Variants in QSOX1 observed in about 807,000 individuals in gnomAD.
QSOX1 encodes sulfhydryl oxidase 1.
In QSOX1, 40 loss-of-function variants were observed where a neutral mutation model predicts 76.1. The ratio of observed to expected loss-of-function variants is 0.53; its 90% CI spans 0.41 to 0.68. QSOX1 has a LOEUF of 0.68. Ranked by LOEUF, QSOX1 falls within the 30% of genes least tolerant of loss-of-function variation. The pLI is 0.00. For synonymous variants in QSOX1, 392 were observed against 413.1 expected (o/e 0.95, Z 0.62); for missense variants, 931 against 974.3 (o/e 0.96, Z 0.59).
chr1:180,189,660 G>C lies in QSOX1; in HGVS notation c.1126G>C (p.Asp376His). The change falls in exon 9 of 12, where the codon GAC (aspartate) becomes CAC (histidine). Residue 376 changes from aspartate (D) to histidine (H), a missense_variant. Asp to His is a moderately conservative substitution (Grantham distance 81). Transcript: ENST00000367602. ...IPYSFFKTAL[D>H]DRKEGAVLAK... ...CTACAGTTTCTTTAAAACTGCCCTG[G>C]ACGACAGGAAAGAGGTGAGTCTGGG... The C allele has an allele frequency of 6.2e-7, 1 of 1,613,018 alleles. No homozygotes were observed. The highest frequency in any genetic ancestry group is 1.7e-5 in the Admixed American group (1 of 59,978).
chr1:180,190,386 A>G, intron 9 of QSOX1, 47 bp from the exon 10 acceptor site: 1 of 1,575,680 alleles, frequency 6.3e-7, no homozygotes, highest in South Asian at 1.1e-5. Context: ...TGCCTCTCCC[A>G]TCCTTTTCCT....
chr1:180,155,697 A>G (rs3767197), intron 1 of QSOX1, among the ~76,000 whole-genome samples: 4,398 of 152,296 alleles, frequency 0.029, 127 homozygotes, highest in East Asian at 0.092. Flanking sequence ...CAGGTGGTAC[A>G]TAGACTTCCT....
At chr1:180,176,105 G>A in intron 4 of QSOX1, 72 bp downstream of exon 4, 2 of 1,267,116 alleles carry the variant, frequency 1.6e-6, no homozygotes, top group Non-Finnish European at 1.1e-6. Flanking sequence ...AGGGTGGTGG[G>A]AACAGCAGGG....
At chr1:180,172,742 C>T (rs1662792261) in intron 2 of QSOX1, among the ~76,000 whole-genome samples, 1 of 152,216 alleles carries the variant, frequency 6.6e-6, no homozygotes, top group Non-Finnish European at 1.5e-5. Flanking sequence ...TGGTCTCAAA[C>T]TCCTGACCTC....
rs1379580568 is a variant in QSOX1 at position 180,190,575 on chromosome 1, A to T, written c.1283A>T (p.Glu428Val). 1 of 1,613,392 alleles carries T rather than the reference A, an allele frequency of 6.2e-7. No individual in the cohort carries two copies. The highest frequency in any genetic ancestry group is 8.5e-7 in the Non-Finnish European group (1 of 1,179,630). The change falls in exon 10 of 12, where the codon GAA becomes GTA. Residue 428 changes from glutamate (E) to valine (V), a missense_variant. Physicochemically the swap from Glu to Val is moderately radical, Grantham distance 121. Coordinates refer to ENST00000367602, the MANE Select transcript of QSOX1 (RefSeq NM_002826.5). ...CGGCAAAATGTAGACCACTCACAGG[A>T]AGCAGGTACGTCCAGGACCCGTTCA... ...AARQNVDHSQEAAKAKEVLPA... is the reference protein window; with the variant it reads ...AARQNVDHSQVAAKAKEVLPA...
chr1:180,173,721 T>A (rs1662814195), intron 2 of QSOX1, among the ~76,000 whole-genome samples: 1 of 152,180 alleles, frequency 6.6e-6, no homozygotes, highest in South Asian at 2.1e-4. Context: ...TGATCATGGT[T>A]CCTAGTGTTT....
At chr1:180,189,244 G>T (rs1386439558) in intron 8 of QSOX1, among the ~76,000 whole-genome samples, 8 of 152,148 alleles carry the variant, frequency 5.3e-5, no homozygotes, top group East Asian at 1.9e-4. Context: ...TGGTCGGGGG[G>T]TGCTGCACAG....
intron 1 of QSOX1, among the ~76,000 whole-genome samples, chr1:180,158,563 T>C (rs1041734943): frequency 1.3e-5 from 2 of 152,170 alleles, no homozygotes; most frequent in African/African-American, 4.8e-5. Context: ...TCCAGTGACG[T>C]CACTGCCCAG....
Position 180,196,568 on chromosome 1 carries a change from C to A in QSOX1, c.1775C>A (p.Thr592Asn), listed in dbSNP as rs373356972. The A allele has an allele frequency of 6.2e-7, 1 of 1,614,090 alleles. No homozygotes were observed. The highest frequency in any genetic ancestry group is 8.5e-7 in the Non-Finnish European group (1 of 1,180,048). Residue 592 changes from threonine (T) to asparagine (N), a missense_variant, in exon 12 of 12, where the codon ACC (threonine) becomes AAC (asparagine). Thr to Asn is a moderately conservative substitution (Grantham distance 65, BLOSUM62 0). Transcript: ENST00000367602. The surrounding 1 kb of genome is among the most constrained non-coding windows in gnomAD (Gnocchi z 4.1). ...GAGATGATGAAGTCCCCCACAAACACCACCCCACATGTGCCGGCTGAGGGA... is the reference window on the plus strand; with the variant it reads ...GAGATGATGAAGTCCCCCACAAACAACACCCCACATGTGCCGGCTGAGGGA... ...KPEMMKSPTN[T>N]TPHVPAEGPE...
intron 10 of QSOX1, among the ~76,000 whole-genome samples, chr1:180,192,317 C>T (rs995804598): frequency 9.2e-5 from 14 of 152,040 alleles, no homozygotes; most frequent in African/African-American, 2.7e-4. Context: ...GAGGCCTTGG[C>T]GAGGGCAGGG....
chr1:180,200,195 C>T lies in QSOX1; in HGVS notation c.*3158C>T, dbSNP rs11126. On this transcript the variant is annotated 3_prime_UTR_variant, in exon 12 of 12. Transcript: ENST00000367602. ...TGACTTTGGGCAAGATAACTTATCC[C>T]CTTGTCCCCATGTGTCATTGGAGAT... 0.64 allele frequency: 97,010 copies of T among 152,108 alleles called. 32,394 individuals are homozygous for T. Among genetic ancestry groups the T allele is most frequent in the Admixed American group, 0.74 (11,310 of 15,294 alleles). 9.4% of individuals were successfully genotyped at this position (152,108 alleles called of 1,614,324 possible). A position where few individuals can be genotyped will look rare whatever the true frequency, so the allele number is the denominator to read the frequency against.
chr1:180,196,119 T>A lies in QSOX1; in HGVS notation c.1469-143T>A. 1 of 1,067,890 alleles carries A rather than the reference T, an allele frequency of 9.4e-7. No homozygotes were observed. Among genetic ancestry groups the A allele is most frequent in the Non-Finnish European group, 1.3e-6 (1 of 756,868 alleles). 66.2% of individuals were successfully genotyped at this position (1,067,890 alleles called of 1,614,324 possible). ...TGTGGGCTAGTGTTTGTAATCTGTA[T>A]TTTCTAATTACCCATCCTCTGGAAG... On this transcript the variant is annotated intron_variant, in intron 11 of 11. Coordinates refer to ENST00000367602, the MANE Select transcript of QSOX1 (RefSeq NM_002826.5). This position sits in a 1 kb window ranked among gnomAD's most constrained non-coding sequence, Gnocchi z 4.1.
At chr1:180,190,677 C>A in intron 10 of QSOX1, 97 bp downstream of exon 10, 1 of 1,402,988 alleles carries the variant, frequency 7.1e-7, no homozygotes, top group Non-Finnish European at 9.7e-7. Context: ...TGAATTGCCC[C>A]ACTGGCTCCC....
intron 11 of QSOX1, among the ~76,000 whole-genome samples, chr1:180,194,721 G>A (rs557670176): frequency 1.3e-5 from 2 of 152,336 alleles, no homozygotes; most frequent in African/African-American, 4.8e-5. Flanking sequence ...AGGGCAGAGG[G>A]AGCTGGGGTT....
intron 1 of QSOX1, among the ~76,000 whole-genome samples, chr1:180,161,795 T>C (rs1407360567): frequency 1.3e-5 from 2 of 152,268 alleles, no homozygotes; most frequent in Admixed American, 1.3e-4. Flanking sequence ...ATTCTTGTTG[T>C]GCTTGATCTT....
Position 180,159,693 on chromosome 1 carries a change from G to A in QSOX1, c.265+4521G>A, listed in dbSNP as rs539260468. On this transcript the variant is annotated intron_variant, in intron 1 of 11. Transcript: ENST00000367602. Reference sequence around the variant, plus strand: ...GTTGGCTGAAACTGGCTTGTTTGAAGATTTGACTGTTAACTCACTCTCTCC... The same window carrying A: ...GTTGGCTGAAACTGGCTTGTTTGAAAATTTGACTGTTAACTCACTCTCTCC... Among the ~76,000 whole-genome samples the A allele has an allele frequency of 2.0e-5, 3 of 152,334 alleles. No homozygotes were observed. The South Asian group carries it at 6.2e-4, about 32-fold the overall frequency.
At chr1:180,180,706 G>A (rs547592010) in intron 5 of QSOX1, among the ~76,000 whole-genome samples, 12 of 152,182 alleles carry the variant, frequency 7.9e-5, no homozygotes, top group South Asian at 2.1e-4. Flanking sequence ...TAGTAGAGAC[G>A]GGGTTTCACC....
chr1:180,178,750 T>G (rs775983002), intron 4 of QSOX1, 44 bp from the exon 5 acceptor site: 13 of 1,573,420 alleles, frequency 8.3e-6, no homozygotes, highest in Admixed American at 1.7e-5. Context: ...TTTGTCTTAT[T>G]TCTGCTGGCT....
chr1:180,159,756 TTGG>T (rs1201767010), intron 1 of QSOX1, among the ~76,000 whole-genome samples: 1 of 152,216 alleles, frequency 6.6e-6, no homozygotes, highest in Non-Finnish European at 1.5e-5. Flanking sequence ...TAGTTTTGGC[TTGG>T]TGGCGTGGAA....
Sources: allele counts gnomAD v4.1 joint callset (sites outside exome capture counted in the v4.1 genomes callset), GRCh38; gene constraint gnomAD v4.1.1; non-coding constraint Gnocchi (gnomAD v3.1); transcripts MANE v1.5; gene names NCBI Gene and HGNC (gene_info 2026-07-23, HGNC 2026-07-21).